OXTR: variants seen among roughly 807,000 people sequenced by gnomAD.
OXTR encodes the protein oxytocin receptor.
Under a neutral mutation model 23.9 loss-of-function variants are expected in OXTR, and 19 were observed. The ratio of observed to expected loss-of-function variants is 0.80; its 90% CI spans 0.56 to 1.17. The LOEUF is 1.17. Among genes scored for constraint, OXTR ranks in the 50% most tolerant of loss-of-function variants. The pLI is 0.00. For synonymous variants in OXTR, 278 were observed against 250.5 expected (o/e 1.11, Z -1.04); for missense variants, 500 against 550.7 (o/e 0.91, Z 0.92).
At chr3:8,759,218 G>C (rs1018310349) in intron 3 of OXTR, among the ~76,000 whole-genome samples, 6 of 152,194 alleles carry the variant, frequency 3.9e-5, no homozygotes, top group Non-Finnish European at 8.8e-5. Context: ...TGCATAGTAA[G>C]CTCCTACTCA....
chr3:8,761,763 C>T (rs1028071431), intron 3 of OXTR, among the ~76,000 whole-genome samples: 4 of 152,242 alleles, frequency 2.6e-5, no homozygotes, highest in Non-Finnish European at 5.9e-5. Context: ...GATCCCACTC[C>T]TCCCTTCACC....
At chr3:8,753,779 A>T (rs893330931) in intron 3 of OXTR, among the ~76,000 whole-genome samples, 7 of 151,684 alleles carry the variant, frequency 4.6e-5, no homozygotes, top group African/African-American at 1.7e-4. Flanking sequence ...GGTGCCCAAT[A>T]AATGATGGCT....
At chr3:8,756,124 T>C (rs1184024477) in intron 3 of OXTR, among the ~76,000 whole-genome samples, 1 of 152,180 alleles carries the variant, frequency 6.6e-6, no homozygotes, top group Non-Finnish European at 1.5e-5. Flanking sequence ...TTATTGTATC[T>C]TGTATAGGCC....
At chr3:8,756,962 G>A (rs974153739) in intron 3 of OXTR, among the ~76,000 whole-genome samples, 3 of 152,222 alleles carry the variant, frequency 2.0e-5, no homozygotes, top group African/African-American at 7.2e-5. Flanking sequence ...TATGCAGCGA[G>A]CACCTTCTCC....
chr3:8,764,327 C>A (rs895766541), intron 3 of OXTR, among the ~76,000 whole-genome samples: 3 of 152,210 alleles, frequency 2.0e-5, no homozygotes, highest in African/African-American at 7.2e-5. Context: ...TGCAAGCATC[C>A]CTGGATGGCA....
intron 3 of OXTR, among the ~76,000 whole-genome samples, chr3:8,755,370 G>C (rs973639774): frequency 6.6e-6 from 1 of 152,252 alleles, no homozygotes; most frequent in Non-Finnish European, 1.5e-5. Flanking sequence ...AAGCATCAGG[G>C]ATGAAGTTCA....
downstream of OXTR, chr3:8,750,341 G>A (rs1708230617): frequency 6.6e-6 from 1 of 152,170 alleles, no homozygotes; most frequent in Non-Finnish European, 1.5e-5. Context: ...AAAGTGCTGA[G>A]AGGCAAGAGA....
At chr3:8,753,371 G>A in intron 3 of OXTR, 147 bp from the exon 4 acceptor site, 2 of 977,084 alleles carry the variant, frequency 2.0e-6, no homozygotes, top group Non-Finnish European at 3.0e-6. Flanking sequence ...GTACTAAAGA[G>A]GCAAAGTTTG....
In OXTR at chr3:8,750,463, T is replaced by G. The variant is rs1708232426; in HGVS notation, c.*2514A>C. 6.6e-6 allele frequency: 1 copy of G among 152,226 alleles called. No homozygotes were observed. The highest frequency in any genetic ancestry group is 1.5e-5 in the Non-Finnish European group (1 of 68,034). 9.4% of individuals were successfully genotyped at this position (152,226 alleles called of 1,614,324 possible). ...GGTTTTTAGTACATTCTCAAAATCG[T>G]GCACAATCACCACTAATTTCAGAAC... On this transcript the variant is annotated 3_prime_UTR_variant, in exon 4 of 4. Transcript: ENST00000316793.
rs892321935 is a variant in OXTR, at chr3:8,752,688, G to A, written c.*289C>T. ...AATGAAGAAGTAAAAATATACTGGA[G>A]TGAAATTACAAGTCCAGGAGAAAAA... On this transcript the variant is annotated 3_prime_UTR_variant, in exon 4 of 4. Coordinates refer to ENST00000316793, the MANE Select transcript of OXTR (RefSeq NM_000916.4). The A allele has an allele frequency of 1.1e-5, 4 of 378,580 alleles. No homozygotes were observed. Among genetic ancestry groups the A allele is most frequent in the African/African-American group, 4.1e-5 (2 of 49,306 alleles). The allele number at this position is 378,580 out of a possible 1,614,324, so 23.5% of individuals were successfully genotyped here. A position where few individuals can be genotyped will look rare whatever the true frequency, so the allele number is the denominator to read the frequency against.
At chr3:8,758,291 C>G (rs1708417176) in intron 3 of OXTR, among the ~76,000 whole-genome samples, 1 of 152,172 alleles carries the variant, frequency 6.6e-6, no homozygotes, top group African/African-American at 2.4e-5. Context: ...TAGCCCAGAA[C>G]AGCTGACGGG....
At chr3:8,765,799 G>A (rs1236247636) in intron 3 of OXTR, among the ~76,000 whole-genome samples, 1 of 152,140 alleles carries the variant, frequency 6.6e-6, no homozygotes, top group African/African-American at 2.4e-5. Flanking sequence ...TTCCCCTCTC[G>A]GGGCCCTAGA....
In OXTR at chr3:8,752,443, G is replaced by A. The variant is rs1213540061; in HGVS notation, c.*534C>T. On this transcript the variant is annotated 3_prime_UTR_variant, in exon 4 of 4. Transcript: ENST00000316793. ...CCACTGCGCCAGATGGTCTTACAAG[G>A]TAATCCCCTTCTCTTAGGGCTACCC... 6.5e-6 allele frequency: 1 copy of A among 153,824 alleles called. No individual in the cohort carries two copies. Among genetic ancestry groups the A allele is most frequent in the Admixed American group, 6.4e-5 (1 of 15,548 alleles). 9.5% of individuals were successfully genotyped at this position (153,824 alleles called of 1,614,324 possible).
intron 3 of OXTR, among the ~76,000 whole-genome samples, chr3:8,765,000 C>G (rs1363326058): frequency 6.6e-6 from 1 of 152,202 alleles, no homozygotes; most frequent in Non-Finnish European, 1.5e-5. Flanking sequence ...TTTCCCTGCC[C>G]CTTGGGCTTC....
chr3:8,749,510 G>A (rs547286488), downstream of OXTR, among the ~76,000 whole-genome samples: 42 of 152,240 alleles, frequency 2.8e-4, 1 homozygote, highest in Non-Finnish European at 2.9e-4. Context: ...GGTGGGCAGC[G>A]AGGCATGAAT....
chr3:8,757,990 T>G (rs1708409636), intron 3 of OXTR, among the ~76,000 whole-genome samples: 1 of 152,124 alleles, frequency 6.6e-6, no homozygotes, highest in South Asian at 2.1e-4. Flanking sequence ...GGGAAGGGGC[T>G]GCTGGGCACA....
chr3:8,755,918 AGGGACTTCCCGGGAG>A lies in OXTR; in HGVS notation c.923-2709_923-2695del, dbSNP rs569034956. ...TGGTTGAGAACAGCCAAGATCACTC[AGGGACTTCCCGGGAG>A]GCAAGAAGGGAAAAGGGGAGTTTCA... On this transcript the variant is annotated intron_variant, in intron 3 of 3. Coordinates refer to ENST00000316793, the MANE Select transcript of OXTR (RefSeq NM_000916.4). 3.3e-4 allele frequency among the ~76,000 whole-genome samples: 50 copies of A among 152,346 alleles called. 1 individual carries two copies. The East Asian group carries it at 9.4e-3, about 29-fold the overall frequency.
the OXTR span, among the ~76,000 whole-genome samples, chr3:8,741,691 A>G: frequency 6.6e-5 from 10 of 152,004 alleles, no homozygotes; most frequent in Non-Finnish European, 1.3e-4. Flanking sequence ...CAGATATCCT[A>G]TTTGAATTGT....
At chr3:8,745,945 C>T (rs925208927), downstream of OXTR, 1 of 1,187,658 alleles carries the variant, frequency 8.4e-7, no homozygotes, top group African/African-American at 1.5e-5. The surrounding 1 kb of genome is among the most constrained non-coding windows in gnomAD (Gnocchi z 4.8). Context: ...TTCACAGGGG[C>T]TGCTGGCGAG....
Sources: allele counts gnomAD v4.1 joint callset (sites outside exome capture counted in the v4.1 genomes callset), GRCh38; gene constraint gnomAD v4.1.1; non-coding constraint Gnocchi (gnomAD v3.1); transcripts MANE v1.5; gene names NCBI Gene and HGNC (gene_info 2026-07-23, HGNC 2026-07-21).